The following CADM2 variants were observed in gnomAD, a reference collection of about 807,000 sequenced individuals.
The protein encoded by CADM2 is immunoglobulin superfamily member 4D.
A neutral mutation model predicts 49.8 loss-of-function variants in CADM2; 12 were observed. The observed-to-expected ratio is 0.24, with a 90% CI of 0.15 to 0.39. The LOEUF is 0.39. CADM2 is among the 10% of genes least tolerant of loss of function. The pLI, the probability that CADM2 is intolerant of heterozygous loss-of-function variation, is 1.00. For missense variants in CADM2, 378 were observed against 492.3 expected, an observed-to-expected ratio of 0.77 and a Z score of 2.20; for synonymous variants, 214 against 175.4, an observed-to-expected ratio of 1.22 and a Z score of -1.74.
At chr3:85,632,319 G>C (rs1336774571) in intron 1 of CADM2, among the ~76,000 whole-genome samples, 2 of 152,116 alleles carry the variant, frequency 1.3e-5, no homozygotes, top group Non-Finnish European at 2.9e-5. Flanking sequence ...GTGGAACTGT[G>C]AGTTCTCCAT....
intron 1 of CADM2, among the ~76,000 whole-genome samples, chr3:85,280,186 A>G (rs965460903): frequency 2.6e-5 from 4 of 151,656 alleles, no homozygotes; most frequent in Non-Finnish European, 3.0e-5. Flanking sequence ...TCCCCTTCAC[A>G]TGTACTTTGT....
intron 1 of CADM2, among the ~76,000 whole-genome samples, chr3:85,509,481 C>T (rs2040513185): frequency 6.6e-6 from 1 of 152,012 alleles, no homozygotes; most frequent in Non-Finnish European, 1.5e-5. Context: ...GACTGCATTT[C>T]AGAAAAATAG....
At chr3:85,828,947 A>G (rs1463405372) in intron 3 of CADM2, among the ~76,000 whole-genome samples, 1 of 151,952 alleles carries the variant, frequency 6.6e-6, no homozygotes, top group East Asian at 1.9e-4. Context: ...TGAAGTGTAA[A>G]TCTCACTTTG....
chr3:85,889,358 C>A (rs564626479), intron 5 of CADM2, among the ~76,000 whole-genome samples: 1 of 152,220 alleles, frequency 6.6e-6, no homozygotes, highest in Admixed American at 6.5e-5. Flanking sequence ...ACAGGGCATC[C>A]TCAAGTACAG....
intron 8 of CADM2, among the ~76,000 whole-genome samples, chr3:86,015,808 C>A (rs1732152247): frequency 6.6e-6 from 1 of 152,168 alleles, no homozygotes; most frequent in Non-Finnish European, 1.5e-5. Context: ...AAGACGGAAT[C>A]AGAGGCCATG....
intron 8 of CADM2, among the ~76,000 whole-genome samples, chr3:86,039,862 C>G (rs2107228240): frequency 6.6e-6 from 1 of 152,276 alleles, no homozygotes; most frequent in East Asian, 1.9e-4. Flanking sequence ...ACACACATGG[C>G]TGGGTTCTCC....
chr3:85,326,350 A>G (rs779851769), intron 1 of CADM2, among the ~76,000 whole-genome samples: 12 of 152,196 alleles, frequency 7.9e-5, no homozygotes, highest in Admixed American at 5.2e-4. Context: ...AAGAATGCTT[A>G]TATTGGTCAG....
At chr3:85,337,241 G>T (rs1272515866) in intron 1 of CADM2, among the ~76,000 whole-genome samples, 1 of 150,294 alleles carries the variant, frequency 6.7e-6, no homozygotes, top group African/African-American at 2.4e-5. Context: ...TCCTATTTTA[G>T]TGTGATGATT....
chr3:85,099,564 G>T (rs768298702), intron 1 of CADM2, among the ~76,000 whole-genome samples: 18 of 151,722 alleles, frequency 1.2e-4, no homozygotes, highest in Non-Finnish European at 1.8e-4. Flanking sequence ...CCATCTCTCG[G>T]GTTCAAGCAA....
intron 1 of CADM2, among the ~76,000 whole-genome samples, chr3:85,214,121 G>T (rs997944976): frequency 6.6e-6 from 1 of 151,744 alleles, no homozygotes; most frequent in Non-Finnish European, 1.5e-5. Context: ...CCAAGTCTTT[G>T]GTCACAGTAG....
At chr3:85,616,689 T>A (rs954500215) in intron 1 of CADM2, among the ~76,000 whole-genome samples, 3 of 152,172 alleles carry the variant, frequency 2.0e-5, no homozygotes, top group Non-Finnish European at 4.4e-5. Flanking sequence ...AGGTTCCCAA[T>A]AATAAATTAT....
intron 1 of CADM2, among the ~76,000 whole-genome samples, chr3:85,471,394 A>T (rs1273670040): frequency 1.3e-5 from 2 of 152,158 alleles, no homozygotes; most frequent in East Asian, 3.9e-4. Flanking sequence ...ACACAAACTT[A>T]ATAACAACTA....
chr3:85,643,820 T>C (rs1011771526), intron 1 of CADM2, among the ~76,000 whole-genome samples: 5 of 152,292 alleles, frequency 3.3e-5, no homozygotes, highest in Non-Finnish European at 7.4e-5. Flanking sequence ...TGTGGAGTCA[T>C]TGTTTAATCA....
chr3:85,872,846 T>C (rs1438250764), intron 3 of CADM2, among the ~76,000 whole-genome samples: 1 of 152,114 alleles, frequency 6.6e-6, no homozygotes, highest in African/African-American at 2.4e-5. Context: ...CTCTCGTTTT[T>C]ACACTTCTTT....
chr3:85,421,597 C>A (rs1474949014), intron 1 of CADM2, among the ~76,000 whole-genome samples: 1 of 152,154 alleles, frequency 6.6e-6, no homozygotes, highest in Non-Finnish European at 1.5e-5. Flanking sequence ...ATTACCTACA[C>A]CTCATGGTCC....
chr3:85,291,903 A>C (rs2043808785), intron 1 of CADM2, among the ~76,000 whole-genome samples: 1 of 151,648 alleles, frequency 6.6e-6, no homozygotes, highest in Non-Finnish European at 1.5e-5. Context: ...TAACCAGCTA[A>C]CATCATAATG....
In CADM2 at chr3:85,770,098, A is replaced by G. The variant is rs376114915; in HGVS notation, c.89-31949A>G. Among the ~76,000 whole-genome samples, 424 of 152,260 alleles carry G rather than the reference A, an allele frequency of 2.8e-3. 1 individual carries two copies. The highest frequency in any genetic ancestry group is 9.8e-3 in the African/African-American group (409 of 41,562). ...GATTCCTCAGACAACTCTACGGGTA[A>G]CTAACTGTGCTATGGTGGCAGTTGC... On this transcript the variant is annotated intron_variant, in intron 2 of 9. Coordinates refer to ENST00000383699, the MANE Select transcript of CADM2 (RefSeq NM_001167675.2).
intron 1 of CADM2, among the ~76,000 whole-genome samples, chr3:84,965,675 A>G (rs1217062597): frequency 6.6e-6 from 1 of 152,178 alleles, no homozygotes; most frequent in Non-Finnish European, 1.5e-5. Flanking sequence ...CGTGTGTTGG[A>G]CTTAATAACT....
Position 86,065,593 on chromosome 3 carries a change from T to C in CADM2, c.971-12T>C. Reference sequence around the variant, plus strand: ...CACATTAAATAGAACAATATTTTCCTGTCTTTTCCAGATCCTAATGCTTTG... The same window carrying C: ...CACATTAAATAGAACAATATTTTCCCGTCTTTTCCAGATCCTAATGCTTTG... On this transcript the variant is annotated splice_polypyrimidine_tract_variant and intron_variant, in intron 8 of 9. Transcript: ENST00000383699. 3 of 1,606,564 alleles carry C rather than the reference T, an allele frequency of 1.9e-6. No homozygotes were observed. Among genetic ancestry groups the C allele is most frequent in the Non-Finnish European group, 2.5e-6 (3 of 1,177,684 alleles).
Sources: gnomAD v4.1 joint callset for allele counts (sites outside exome capture counted in the v4.1 genomes callset) on GRCh38, gnomAD v4.1.1 for gene constraint, MANE v1.5 for transcripts, NCBI Gene and HGNC (gene_info 2026-07-23, HGNC 2026-07-21) for gene names.